Variants in FBXO21 observed in about 807,000 individuals in gnomAD.
FBXO21 encodes F-box only protein 21.
In FBXO21, 32 loss-of-function variants were observed where a neutral mutation model predicts 76.6. That is an observed-to-expected ratio of 0.42 (90% CI 0.32 to 0.56). FBXO21 has a LOEUF of 0.56. Ranked by LOEUF, FBXO21 falls within the 20% of genes least tolerant of loss-of-function variation. The probability of loss-of-function intolerance (pLI) is 0.16; values close to 1 mark genes in which losing one functional copy is unlikely to be tolerated. For synonymous variants in FBXO21, 328 were observed against 311.5 expected (o/e 1.05, Z -0.56); for missense variants, 586 against 797.3 (o/e 0.73, Z 3.19).
At chr12:117,147,557 C>T (rs1222589450) in intron 11 of FBXO21, among the ~76,000 whole-genome samples, 2 of 139,856 alleles carry the variant, frequency 1.4e-5, no homozygotes, top group Non-Finnish European at 3.0e-5. Flanking sequence ...AAGATCACAC[C>T]ACTGCACTCC....
intron 3 of FBXO21, among the ~76,000 whole-genome samples, chr12:117,179,217 C>G (rs1486903617): frequency 6.6e-6 from 1 of 152,186 alleles, no homozygotes; most frequent in Non-Finnish European, 1.5e-5. Flanking sequence ...AAACAAGTAG[C>G]TTAATGAATC....
At position 117,142,997 on chromosome 12, in the gene FBXO21, A is replaced by G. The variant is rs1468186337; in HGVS notation, c.*3090T>C. 6.6e-6 allele frequency: 1 copy of G among 152,212 alleles called. No homozygotes were observed. Among genetic ancestry groups the G allele is most frequent in the Non-Finnish European group, 1.5e-5 (1 of 68,046 alleles). 9.4% of individuals were successfully genotyped at this position (152,212 alleles called of 1,614,324 possible). ...TCTCAATAAAATCATTTTGCTGTGT[A>G]AACGCGCTTATAATGGGGATCTGTT... On this transcript the variant is annotated 3_prime_UTR_variant, in exon 12 of 12. Transcript: ENST00000622495.
At chr12:117,152,479 T>C in intron 11 of FBXO21, among the ~76,000 whole-genome samples, 1 of 151,128 alleles carries the variant, frequency 6.6e-6, no homozygotes, top group East Asian at 1.9e-4. Flanking sequence ...AAAAAAAAAT[T>C]TACAAGACAA....
At chr12:117,188,943 C>T in intron 2 of FBXO21, 2 of 318,860 alleles carry the variant, frequency 6.3e-6, no homozygotes, top group South Asian at 7.6e-5. Flanking sequence ...AGAAATAATG[C>T]TGATCTGGAC....
At chr12:117,177,032 C>A (rs1303719037) in intron 4 of FBXO21, among the ~76,000 whole-genome samples, 4 of 152,236 alleles carry the variant, frequency 2.6e-5, no homozygotes, top group African/African-American at 9.6e-5. Context: ...AGATTCTCCA[C>A]TCCCTTCATC....
chr12:117,158,466 G>A (rs1313085166), intron 9 of FBXO21, among the ~76,000 whole-genome samples: 1 of 152,144 alleles, frequency 6.6e-6, no homozygotes, highest in African/African-American at 2.4e-5. Context: ...GAGAATCCAC[G>A]TTTTTTCAAT....
intron 2 of FBXO21, among the ~76,000 whole-genome samples, chr12:117,186,916 A>ACC (rs1202245660): frequency 6.6e-6 from 1 of 152,182 alleles, no homozygotes; most frequent in Admixed American, 6.5e-5. Flanking sequence ...AACCTGAGGT[A>ACC]AGGAGTTTGA....
chr12:117,163,083 C>G (rs1431942512), intron 9 of FBXO21, among the ~76,000 whole-genome samples: 1 of 152,152 alleles, frequency 6.6e-6, no homozygotes, highest in Non-Finnish European at 1.5e-5. Context: ...GTCACACATG[C>G]GCTGGCAATG....
chr12:117,166,292 A>G (rs1956053372), intron 8 of FBXO21, among the ~76,000 whole-genome samples: 1 of 152,176 alleles, frequency 6.6e-6, no homozygotes, highest in South Asian at 2.1e-4. Context: ...GACACATGTC[A>G]TTATGTGTTT....
Position 117,174,354 on chromosome 12 carries a change from G to C in FBXO21, c.740-13C>G. The C allele has an allele frequency of 1.2e-6, 2 of 1,613,860 alleles. No individual in the cohort carries two copies. Among genetic ancestry groups the C allele is most frequent in the Non-Finnish European group, 1.7e-6 (2 of 1,179,866 alleles). On this transcript the variant is annotated splice_polypyrimidine_tract_variant and intron_variant, in intron 5 of 11. Coordinates refer to ENST00000622495, the MANE Select transcript of FBXO21 (RefSeq NM_015002.3). ...ATGGATGATTCACCTGAAACACAGAGATCTACTCTGGGACCCAAGCACAAA... is the reference window on the plus strand; with the variant it reads ...ATGGATGATTCACCTGAAACACAGACATCTACTCTGGGACCCAAGCACAAA...
intron 3 of FBXO21, among the ~76,000 whole-genome samples, chr12:117,183,330 A>G (rs1302496180): frequency 1.3e-5 from 2 of 151,504 alleles, no homozygotes; most frequent in African/African-American, 4.9e-5. Flanking sequence ...GGCTCACTGC[A>G]ACCTCTGCCT....
At chr12:117,147,556 C>T (rs1955789150) in intron 11 of FBXO21, among the ~76,000 whole-genome samples, 1 of 145,908 alleles carries the variant, frequency 6.9e-6, no homozygotes. Flanking sequence ...CAAGATCACA[C>T]CACTGCACTC....
Position 117,142,514 on chromosome 12 carries a change from T to G in FBXO21, c.*3573A>C, listed in dbSNP as rs1955726765. On this transcript the variant is annotated 3_prime_UTR_variant, in exon 12 of 12. Coordinates refer to ENST00000622495, the MANE Select transcript of FBXO21 (RefSeq NM_015002.3). ...ACTATCTGCGTCTGCTTTATAGGAT[T>G]GCTGGGAGGATTACAAAGACTTTAT... 6.6e-6 allele frequency: 1 copy of G among 152,096 alleles called. No homozygotes were observed. The highest frequency in any genetic ancestry group is 1.5e-5 in the Non-Finnish European group (1 of 68,024). The allele number at this position is 152,096 out of a possible 1,614,324, so 9.4% of individuals were successfully genotyped here.
chr12:117,187,026 G>A (rs1038539432), intron 2 of FBXO21, among the ~76,000 whole-genome samples: 1 of 152,280 alleles, frequency 6.6e-6, no homozygotes, highest in South Asian at 2.1e-4. Context: ...TGAGGCAGGA[G>A]AATCACTTGA....
chr12:117,171,814 A>G (rs1401013896), intron 7 of FBXO21, among the ~76,000 whole-genome samples: 1 of 152,230 alleles, frequency 6.6e-6, no homozygotes, highest in African/African-American at 2.4e-5. Context: ...TAATGAGAAT[A>G]TATTTCTACC....
In FBXO21 at chr12:117,143,195, C is replaced by G. The variant is rs1955733453; in HGVS notation, c.*2892G>C. The G allele has an allele frequency of 6.6e-6, 1 of 152,144 alleles. No individual in the cohort carries two copies. Among genetic ancestry groups the G allele is most frequent in the Admixed American group, 6.5e-5 (1 of 15,280 alleles). The allele number at this position is 152,144 out of a possible 1,614,324, so 9.4% of individuals were successfully genotyped here. On this transcript the variant is annotated 3_prime_UTR_variant, in exon 12 of 12. Coordinates refer to ENST00000622495, the MANE Select transcript of FBXO21 (RefSeq NM_015002.3). ...CAAAGCATGTCTGCAAACACCGGAC[C>G]CCCGGGGACGGTGCGTGCGTGTAGG...
chr12:117,171,359 A>G (rs1342092246), intron 7 of FBXO21, among the ~76,000 whole-genome samples: 2 of 137,238 alleles, frequency 1.5e-5, no homozygotes, highest in Non-Finnish European at 3.3e-5. Flanking sequence ...CCCTGTCTCA[A>G]AAAAAAAAAA....
intron 7 of FBXO21, among the ~76,000 whole-genome samples, chr12:117,168,024 C>T (rs1366946276): frequency 1.3e-5 from 2 of 152,344 alleles, no homozygotes; most frequent in East Asian, 1.9e-4. Flanking sequence ...CAAGCTCTCA[C>T]TGAACTGCCA....
chr12:117,164,008 T>C (rs1373692204), intron 9 of FBXO21, among the ~76,000 whole-genome samples: 1 of 151,638 alleles, frequency 6.6e-6, no homozygotes, highest in Non-Finnish European at 1.5e-5. Context: ...GGCACACACT[T>C]GTAATCCCAG....
Sources: allele counts gnomAD v4.1 joint callset (sites outside exome capture counted in the v4.1 genomes callset), GRCh38; gene constraint gnomAD v4.1.1; transcripts MANE v1.5; gene names NCBI Gene and HGNC (gene_info 2026-07-23, HGNC 2026-07-21).